UNC13C: variants seen among roughly 807,000 people sequenced by gnomAD.
UNC13C encodes the protein unc-13 homolog C.
UNC13C carries 174 observed loss-of-function variants against 245.4 expected under a neutral mutation model. The observed-to-expected ratio is 0.71, with a 90% CI of 0.63 to 0.80. The LOEUF is 0.80. Ranked by LOEUF, UNC13C falls within the 30% of genes least tolerant of loss-of-function variation. The pLI is 0.00. For synonymous variants in UNC13C, 992 were observed against 895.1 expected (o/e 1.11, Z -1.93); for missense variants, 2,829 against 2,602.9 (o/e 1.09, Z -1.89).
chr15:54,132,068 C>CTTTTTCTTTTTTTTTCTTTTTCTTTTTT lies in UNC13C; in HGVS notation c.2984-10935_2984-10934insCTTTTTCTTTTTTTTTTTCTTTTTTTTT. 2.3e-4 allele frequency among the ~76,000 whole-genome samples: 3 copies of CTTTTTCTTTTTTTTTCTTTTTCTTTTTT among 12,830 alleles called. 1 individual carries two copies. The highest frequency in any genetic ancestry group is 5.6e-4 in the African/African-American group (3 of 5,334). 8.4% of individuals were successfully genotyped at this position (12,830 alleles called of 152,430 possible). ...ACTGTCATTGCAATTCAGTTTTTTT[C>CTTTTTCTTTTTTTTTCTTTTTCTTTTTT]TTTTTCTTTTTTTTTTTTGACAGCG... is the stretch of plus-strand genomic sequence containing the variant. On this transcript the variant is annotated intron_variant, in intron 2 of 32. Transcript: ENST00000260323.
At chr15:54,437,238 C>A (rs867197397) in intron 19 of UNC13C, among the ~76,000 whole-genome samples, 13 of 151,906 alleles carry the variant, frequency 8.6e-5, no homozygotes, top group African/African-American at 2.4e-4. Flanking sequence ...AAATACATGT[C>A]CATCTTTAGC....
chr15:53,900,847 G>A, the UNC13C span, among the ~76,000 whole-genome samples: 1 of 152,216 alleles, frequency 6.6e-6, no homozygotes, highest in East Asian at 1.9e-4. Flanking sequence ...AATCAATTGA[G>A]CTACAGGAAT....
chr15:54,348,166 C>T (rs902738511), intron 17 of UNC13C, among the ~76,000 whole-genome samples: 7 of 152,050 alleles, frequency 4.6e-5, no homozygotes, highest in Non-Finnish European at 5.9e-5. Flanking sequence ...ACATCAATTC[C>T]GATTTTTCAC....
chr15:53,977,735 C>T (rs1181237384), upstream of UNC13C, among the ~76,000 whole-genome samples: 2 of 152,090 alleles, frequency 1.3e-5, no homozygotes, highest in African/African-American at 4.8e-5. Flanking sequence ...CTGTTACTCC[C>T]CCCACCTCCT....
intron 2 of UNC13C, among the ~76,000 whole-genome samples, chr15:54,061,509 C>T (rs1897833414): frequency 6.6e-6 from 1 of 152,172 alleles, no homozygotes; most frequent in African/African-American, 2.4e-5. Context: ...GCACAAAGAC[C>T]AACTTAAAGG....
intron 1 of UNC13C, among the ~76,000 whole-genome samples, chr15:53,989,503 A>G (rs1894288758): frequency 6.6e-6 from 1 of 151,784 alleles, no homozygotes; most frequent in African/African-American, 2.4e-5. Flanking sequence ...TGTTTTACCT[A>G]TTTTGCCATT....
chr15:54,176,774 C>A (rs937781949), intron 4 of UNC13C, among the ~76,000 whole-genome samples: 1 of 151,980 alleles, frequency 6.6e-6, no homozygotes, highest in Non-Finnish European at 1.5e-5. Flanking sequence ...ATATTAAAAT[C>A]TAATGTTAAA....
intron 30 of UNC13C, among the ~76,000 whole-genome samples, chr15:54,607,118 C>G (rs560030677): frequency 6.6e-6 from 1 of 152,156 alleles, no homozygotes; most frequent in South Asian, 2.1e-4. Context: ...ATAAATTTGA[C>G]TTAAATGAGT....
At chr15:54,529,848 G>A (rs1232383331) in intron 25 of UNC13C, among the ~76,000 whole-genome samples, 1 of 151,982 alleles carries the variant, frequency 6.6e-6, no homozygotes, top group African/African-American at 2.4e-5. Context: ...CTCCTAAGTA[G>A]TTTTTCTTGC....
chr15:54,016,399 T>C (rs1046471566), intron 2 of UNC13C, among the ~76,000 whole-genome samples: 2 of 152,220 alleles, frequency 1.3e-5, no homozygotes, highest in African/African-American at 4.8e-5. Flanking sequence ...AAGTTGTGTG[T>C]GCACAGGACA....
chr15:53,935,227 C>T, the UNC13C span, among the ~76,000 whole-genome samples: 1 of 151,856 alleles, frequency 6.6e-6, no homozygotes, highest in East Asian at 1.9e-4. Context: ...GTGTTGCTTA[C>T]CACTGAGAAC....
intron 4 of UNC13C, among the ~76,000 whole-genome samples, chr15:54,234,622 T>C (rs2035640491): frequency 6.6e-6 from 1 of 152,150 alleles, no homozygotes; most frequent in Admixed American, 6.5e-5. Flanking sequence ...ACACAATAAC[T>C]GGTATTTTTA....
At chr15:54,557,949 G>T (rs2141201870) in intron 29 of UNC13C, among the ~76,000 whole-genome samples, 1 of 152,102 alleles carries the variant, frequency 6.6e-6, no homozygotes, top group African/African-American at 2.4e-5. Context: ...CATGTCCTTT[G>T]TAGGGACATG....
At chr15:54,078,675 G>GT (rs1898767945) in intron 2 of UNC13C, among the ~76,000 whole-genome samples, 2 of 151,950 alleles carry the variant, frequency 1.3e-5, no homozygotes, top group African/African-American at 2.4e-5. Context: ...TAATGGAGTT[G>GT]TTTTTTCTTT....
intron 2 of UNC13C, among the ~76,000 whole-genome samples, chr15:54,038,114 A>ATTTTT (rs1896651811): frequency 4.1e-5 from 1 of 24,334 alleles, no homozygotes; most frequent in Non-Finnish European, 7.1e-5. Flanking sequence ...ATATATATAT[A>ATTTTT]TATATATATA....
chr15:54,471,754 T>C (rs1486648503), intron 19 of UNC13C, among the ~76,000 whole-genome samples: 3 of 151,704 alleles, frequency 2.0e-5, no homozygotes, highest in Non-Finnish European at 4.4e-5. Context: ...TCTGTATATG[T>C]GTGTTATGTC....
chr15:54,166,142 T>C (rs1355011571), intron 4 of UNC13C, among the ~76,000 whole-genome samples: 1 of 152,074 alleles, frequency 6.6e-6, no homozygotes, highest in Non-Finnish European at 1.5e-5. Flanking sequence ...GCATTATTGA[T>C]CTTGAACAGA....
chr15:54,308,583 T>C (rs1567176568), intron 13 of UNC13C, among the ~76,000 whole-genome samples: 1 of 151,886 alleles, frequency 6.6e-6, no homozygotes. Flanking sequence ...TGTTGTACAA[T>C]AGGCATTTTG....
intron 30 of UNC13C, among the ~76,000 whole-genome samples, chr15:54,615,179 C>A (rs1281262234): frequency 1.3e-5 from 2 of 151,978 alleles, no homozygotes; most frequent in Non-Finnish European, 2.9e-5. Flanking sequence ...AAGGGGACAT[C>A]TATCTCCTCA....
Sources: gnomAD v4.1 joint callset for allele counts (sites outside exome capture counted in the v4.1 genomes callset) on GRCh38, gnomAD v4.1.1 for gene constraint, MANE v1.5 for transcripts, NCBI Gene and HGNC (gene_info 2026-07-23, HGNC 2026-07-21) for gene names.